The following DIP2B variants were observed in gnomAD, a reference collection of about 807,000 sequenced individuals.
The protein encoded by DIP2B is disco-interacting protein 2 homolog B.
A neutral mutation model predicts 198.0 loss-of-function variants in DIP2B; 76 were observed. That is an observed-to-expected ratio of 0.38 (90% CI 0.32 to 0.46). DIP2B has a LOEUF of 0.46. Ranked by LOEUF, DIP2B falls within the 20% of genes least tolerant of loss-of-function variation. The probability of loss-of-function intolerance (pLI) is 0.99; values close to 1 mark genes in which losing one functional copy is unlikely to be tolerated. For missense variants in DIP2B, 1,559 were observed against 1,978.4 expected (o/e 0.79, Z 4.02); for synonymous variants, 701 against 739.1 (o/e 0.95, Z 0.84).
intron 1 of DIP2B, among the ~76,000 whole-genome samples, chr12:50,580,994 GA>G (rs1177042583): frequency 1.3e-5 from 2 of 149,184 alleles, no homozygotes; most frequent in Admixed American, 1.4e-4. Flanking sequence ...GCTGCATTAT[GA>G]ATTCAGTTTT....
chr12:50,695,217 C>A, intron 14 of DIP2B, 50 bp from the exon 15 acceptor site: 1 of 1,470,228 alleles, frequency 6.8e-7, no homozygotes, highest in Non-Finnish European at 9.4e-7. Context: ...TTTTAAAATA[C>A]TAAGTATGTA....
At chr12:50,713,647 G>A (rs925905125) in intron 22 of DIP2B, among the ~76,000 whole-genome samples, 1 of 152,152 alleles carries the variant, frequency 6.6e-6, no homozygotes, top group African/African-American at 2.4e-5. Context: ...TTAAGTGGGG[G>A]CTCCTTTAGA....
intron 3 of DIP2B, among the ~76,000 whole-genome samples, chr12:50,659,183 A>G (rs1308299690): frequency 6.6e-6 from 1 of 152,078 alleles, no homozygotes; most frequent in African/African-American, 2.4e-5. Flanking sequence ...AGGAGAGATA[A>G]CTCTGGGAAT....
At chr12:50,731,623 C>T (rs1940044166) in intron 31 of DIP2B, 86 bp downstream of exon 31, 2 of 1,445,300 alleles carry the variant, frequency 1.4e-6, no homozygotes, top group Admixed American at 2.3e-5. Flanking sequence ...CAGGGGCTAA[C>T]AGACATGTTT....
At chr12:50,721,882 A>C (rs1390797607) in intron 26 of DIP2B, among the ~76,000 whole-genome samples, 1 of 152,128 alleles carries the variant, frequency 6.6e-6, no homozygotes, top group African/African-American at 2.4e-5. Context: ...TGGAGAAAGG[A>C]GAGGTGAGGA....
chr12:50,514,883 C>A (rs1958050012), intron 1 of DIP2B, among the ~76,000 whole-genome samples: 2 of 152,088 alleles, frequency 1.3e-5, no homozygotes, highest in South Asian at 4.1e-4. Context: ...ATCTTGAACT[C>A]CTGGGCTCAA....
intron 1 of DIP2B, among the ~76,000 whole-genome samples, chr12:50,621,743 C>T (rs1937814865): frequency 6.6e-6 from 1 of 152,178 alleles, no homozygotes; most frequent in Non-Finnish European, 1.5e-5. Context: ...CTTTTGAGCA[C>T]AGGGTCTTGT....
At chr12:50,708,653 C>T in intron 22 of DIP2B, 91 bp downstream of exon 22, 1 of 1,012,990 alleles carries the variant, frequency 9.9e-7, no homozygotes, top group East Asian at 2.6e-5. Context: ...GTAATGCCAC[C>T]TTACTTCTTG....
intron 37 of DIP2B, chr12:50,743,811 C>T (rs1383377615): frequency 6.6e-6 from 1 of 152,192 alleles, no homozygotes; most frequent in Admixed American, 6.5e-5. Flanking sequence ...AAAAAACTAA[C>T]TCTGGGTCTC....
chr12:50,603,311 G>A (rs1958954574), intron 1 of DIP2B, among the ~76,000 whole-genome samples: 1 of 152,164 alleles, frequency 6.6e-6, no homozygotes, highest in African/African-American at 2.4e-5. Flanking sequence ...CTGTGTCCAG[G>A]TGTGAAAAGA....
At chr12:50,730,376 CTCTCTCTTT>C (rs1316504643) in intron 30 of DIP2B, among the ~76,000 whole-genome samples, 16 of 110,332 alleles carry the variant, frequency 1.5e-4, no homozygotes, top group Non-Finnish European at 3.0e-4. Flanking sequence ...TTCTTTCTCT[CTCTCTCTTT>C]TTTTTTTTTT....
intron 1 of DIP2B, among the ~76,000 whole-genome samples, chr12:50,585,338 C>T (rs1958761006): frequency 6.6e-6 from 1 of 152,188 alleles, no homozygotes; most frequent in Non-Finnish European, 1.5e-5. Context: ...GGAGACAAAC[C>T]ACAGATAAAT....
chr12:50,612,470 C>G (rs1338333166), intron 1 of DIP2B, among the ~76,000 whole-genome samples: 1 of 151,502 alleles, frequency 6.6e-6, no homozygotes, highest in East Asian at 1.9e-4. Context: ...CTCTGTCCCC[C>G]CAGGCTGGGG....
intron 3 of DIP2B, among the ~76,000 whole-genome samples, chr12:50,653,390 G>C (rs1938496218): frequency 7.8e-6 from 1 of 128,934 alleles, no homozygotes; most frequent in South Asian, 2.5e-4. Context: ...ACCCAGGCTA[G>C]AGTGCAGTGG....
chr12:50,699,354 G>GTCAC, intron 19 of DIP2B, 152 bp downstream of exon 19: 1 of 1,166,380 alleles, frequency 8.6e-7, no homozygotes, highest in Non-Finnish European at 1.2e-6. Context: ...CTGAACTTAG[G>GTCAC]TCACTAGCTG....
chr12:50,515,061 G>T (rs1958052013), intron 1 of DIP2B, among the ~76,000 whole-genome samples: 1 of 152,028 alleles, frequency 6.6e-6, no homozygotes, highest in South Asian at 2.1e-4. Context: ...AGCCTGAAAG[G>T]TGTGGCCTAC....
At chr12:50,732,093 T>A (rs911515471) in intron 31 of DIP2B, among the ~76,000 whole-genome samples, 1 of 152,118 alleles carries the variant, frequency 6.6e-6, no homozygotes, top group Non-Finnish European at 1.5e-5. Flanking sequence ...GGTACAGAAA[T>A]GAGGAGGGAT....
intron 3 of DIP2B, among the ~76,000 whole-genome samples, chr12:50,643,693 T>C (rs970046116): frequency 1.3e-5 from 2 of 152,094 alleles, no homozygotes; most frequent in Admixed American, 6.6e-5. Context: ...TCTCTGAGAA[T>C]TCTGGCTTCT....
At chr12:50,505,357 A>C in intron 1 of DIP2B, 117 bp downstream of exon 1, 2 of 791,860 alleles carry the variant, frequency 2.5e-6, no homozygotes, top group South Asian at 2.0e-5. Context: ...GGGTGTAGAG[A>C]ACCTGGCCTG....
Sources: gnomAD v4.1 joint callset for allele counts (sites outside exome capture counted in the v4.1 genomes callset) on GRCh38, gnomAD v4.1.1 for gene constraint, MANE v1.5 for transcripts, NCBI Gene and HGNC (gene_info 2026-07-23, HGNC 2026-07-21) for gene names.